NOS1AP: variants seen among roughly 807,000 people sequenced by gnomAD.
NOS1AP encodes the protein carboxyl-terminal PDZ ligand of neuronal nitric oxide synthase protein.
In NOS1AP, 21 loss-of-function variants were observed where a neutral mutation model predicts 56.2. The observed-to-expected ratio is 0.37, with a 90% confidence interval of 0.26 to 0.54. NOS1AP has a LOEUF of 0.54. Among genes scored for constraint, NOS1AP ranks in the 20% least tolerant of loss-of-function variants. The probability of loss-of-function intolerance (pLI) is 0.84; values close to 1 mark genes in which losing one functional copy is unlikely to be tolerated. For missense variants in NOS1AP, 522 were observed against 657.8 expected (o/e 0.79, Z 2.26); for synonymous variants, 270 against 274.6 (o/e 0.98, Z 0.17).
intron 1 of NOS1AP, among the ~76,000 whole-genome samples, chr1:162,147,909 G>A: frequency 6.6e-6 from 1 of 152,078 alleles, no homozygotes; most frequent in East Asian, 1.9e-4. Context: ...CCTGTTTGAT[G>A]TCTCACAGCA....
intron 1 of NOS1AP, 43 bp downstream of exon 1, chr1:162,070,325 G>A (rs375339763): frequency 1.5e-5 from 23 of 1,539,714 alleles, no homozygotes; most frequent in African/African-American, 9.5e-5. Context: ...GTGGCGGTTG[G>A]GGGGGCATGT....
chr1:162,204,084 G>A (rs998432727), intron 2 of NOS1AP, among the ~76,000 whole-genome samples: 7 of 108,578 alleles, frequency 6.4e-5, no homozygotes, highest in African/African-American at 2.3e-4. Context: ...TTGTTAGTGC[G>A]TGCCCATTTG....
intron 1 of NOS1AP, among the ~76,000 whole-genome samples, chr1:162,101,672 A>G (rs1411085877): frequency 6.6e-6 from 1 of 152,006 alleles, no homozygotes; most frequent in East Asian, 1.9e-4. Context: ...TGTTAGCTAT[A>G]TTCCTAGGTA....
intron 2 of NOS1AP, among the ~76,000 whole-genome samples, chr1:162,277,533 G>T (rs1178142332): frequency 2.0e-5 from 3 of 152,126 alleles, no homozygotes; most frequent in Admixed American, 6.6e-5. Flanking sequence ...GCAAGCACAG[G>T]TTTTCCAAAT....
intron 8 of NOS1AP, among the ~76,000 whole-genome samples, chr1:162,360,240 C>A (rs1458021155): frequency 6.6e-6 from 1 of 152,172 alleles, no homozygotes; most frequent in Non-Finnish European, 1.5e-5. Flanking sequence ...CCGGGTTAGA[C>A]CTCAGTGGGT....
chr1:162,185,246 A>C (rs1651392177), intron 2 of NOS1AP, among the ~76,000 whole-genome samples: 1 of 152,198 alleles, frequency 6.6e-6, no homozygotes, highest in African/African-American at 2.4e-5. Context: ...TAATTTAATC[A>C]CACCTGCCAA....
At chr1:162,087,259 G>C (rs2102019692) in intron 1 of NOS1AP, among the ~76,000 whole-genome samples, 1 of 152,194 alleles carries the variant, frequency 6.6e-6, no homozygotes, top group Admixed American at 6.5e-5. Flanking sequence ...TCCAACAGTA[G>C]CTTTAAGTTG....
At chr1:162,243,234 A>C (rs1348616873) in intron 2 of NOS1AP, among the ~76,000 whole-genome samples, 1 of 152,170 alleles carries the variant, frequency 6.6e-6, no homozygotes, top group Non-Finnish European at 1.5e-5. Flanking sequence ...TAATGGCGGC[A>C]GCTGGAAGAG....
intron 2 of NOS1AP, among the ~76,000 whole-genome samples, chr1:162,266,655 G>A (rs1281876308): frequency 6.6e-6 from 1 of 152,130 alleles, no homozygotes; most frequent in Admixed American, 6.5e-5. Flanking sequence ...TGGTGTTATT[G>A]TTGAAAGCTT....
chr1:162,343,982 C>T lies in NOS1AP; in HGVS notation c.595+6C>T, dbSNP rs368823978. 1.7e-5 allele frequency: 28 copies of T among 1,613,918 alleles called. No homozygotes were observed. Among genetic ancestry groups the T allele is most frequent in the Non-Finnish European group, 2.2e-5 (26 of 1,179,968 alleles). ...CAACAGCTCAGGAGACCCAGGTAGG[C>T]ACTGCGGCTTCTGTGGATGTGGGTG... On this transcript the variant is annotated splice_donor_region_variant and intron_variant, in intron 6 of 9. Coordinates refer to ENST00000361897, the MANE Select transcript of NOS1AP (RefSeq NM_014697.3).
intron 2 of NOS1AP, among the ~76,000 whole-genome samples, chr1:162,175,313 C>A (rs1651007319): frequency 1.3e-5 from 2 of 152,278 alleles, no homozygotes; most frequent in African/African-American, 4.8e-5. Flanking sequence ...CCATTTATTG[C>A]TTTATTCAGT....
chr1:162,343,497 T>A (rs184213598), intron 5 of NOS1AP, among the ~76,000 whole-genome samples: 1 of 152,322 alleles, frequency 6.6e-6, no homozygotes, highest in Admixed American at 6.5e-5. Flanking sequence ...TTCCTCTTAG[T>A]TTGATGGACC....
At chr1:162,310,749 G>C (rs1453607269) in intron 4 of NOS1AP, among the ~76,000 whole-genome samples, 1 of 152,072 alleles carries the variant, frequency 6.6e-6, no homozygotes, top group Non-Finnish European at 1.5e-5. Context: ...CCATCATAAT[G>C]CCCTTCTTAC....
intron 2 of NOS1AP, among the ~76,000 whole-genome samples, chr1:162,205,772 A>G (rs775906116): frequency 2.6e-5 from 4 of 152,200 alleles, no homozygotes; most frequent in Admixed American, 6.5e-5. Flanking sequence ...TGAGCCATCA[A>G]GCAAAATTCT....
chr1:162,332,518 C>T (rs112601148), intron 4 of NOS1AP, among the ~76,000 whole-genome samples: 2,038 of 152,168 alleles, frequency 0.013, 44 homozygotes, highest in African/African-American at 0.046. Context: ...GTGGTCCAGG[C>T]AGAGAGGGGA....
chr1:162,275,876 A>C (rs1385477572), intron 2 of NOS1AP, among the ~76,000 whole-genome samples: 2 of 152,230 alleles, frequency 1.3e-5, no homozygotes, highest in African/African-American at 4.8e-5. Context: ...ATGCTTTAAT[A>C]GAGCGGAGAC....
chr1:162,217,267 CT>C lies in NOS1AP; in HGVS notation c.177+62805del, dbSNP rs61378473. On this transcript the variant is annotated intron_variant, in intron 2 of 9. Coordinates refer to ENST00000361897, the MANE Select transcript of NOS1AP (RefSeq NM_014697.3). ...TGGGTCCTGAAACAGCTGTTGTTAG[CT>C]TTTTTTTTTTTTTGAGATGAAGTCT... 5.8e-4 allele frequency among the ~76,000 whole-genome samples: 40 copies of C among 68,382 alleles called. 3 individuals are homozygous for C. Among genetic ancestry groups the C allele is most frequent in the South Asian group, 2.8e-3 (5 of 1,758 alleles). The allele number at this position is 68,382 out of a possible 152,430, so 44.9% of individuals were successfully genotyped here.
At chr1:162,124,504 TGTG>T (rs1648390581) in intron 1 of NOS1AP, among the ~76,000 whole-genome samples, 1 of 36 alleles carries the variant, frequency 0.028, no homozygotes, top group East Asian at 0.5. Flanking sequence ...TGTGTGTGTG[TGTG>T]ACACACACAC....
At chr1:162,314,385 C>T (rs909291311) in intron 4 of NOS1AP, among the ~76,000 whole-genome samples, 2 of 152,164 alleles carry the variant, frequency 1.3e-5, no homozygotes, top group African/African-American at 2.4e-5. Flanking sequence ...ATACTGTTTG[C>T]CAGGGAGGGA....
Sources: allele counts gnomAD v4.1 joint callset (sites outside exome capture counted in the v4.1 genomes callset), GRCh38; gene constraint gnomAD v4.1.1; transcripts MANE v1.5; gene names NCBI Gene and HGNC (gene_info 2026-07-23, HGNC 2026-07-21).